TXNL4A: variants seen among roughly 807,000 people sequenced by gnomAD.
TXNL4A encodes the protein thioredoxin-like protein 4A.
A neutral mutation model predicts 14.6 loss-of-function variants in TXNL4A; 17 were observed. That is an observed-to-expected ratio of 1.16 (90% CI 0.80 to 1.74). The LOEUF (loss-of-function observed/expected upper bound fraction) is 1.74, where lower values mean the gene tolerates loss of function less well. Ranked by LOEUF, TXNL4A falls within the 40% of genes most tolerant of loss-of-function variation. TXNL4A has a pLI of 0.00. For synonymous variants in TXNL4A, 83 were observed against 70.6 expected (o/e 1.18, Z -0.88); for missense variants, 74 against 195.2 (o/e 0.38, Z 3.70).
chr18:80,004,519 C>G (rs947640440), intron 1 of TXNL4A, among the ~76,000 whole-genome samples: 1 of 152,156 alleles, frequency 6.6e-6, no homozygotes, highest in African/African-American at 2.4e-5. Context: ...TCCCAGCAAT[C>G]TGGGGGGGAT....
chr18:79,994,950 C>G (rs979850683), intron 1 of TXNL4A: 1 of 152,248 alleles, frequency 6.6e-6, no homozygotes, highest in Non-Finnish European at 1.5e-5. Flanking sequence ...CCTGCCGATT[C>G]TCTGGTATCG....
chr18:80,026,493 A>T lies in TXNL4A; in HGVS notation c.-61+7358T>A, dbSNP rs2051885386. ...TCCAAATATTCTACCCTGACAAAAAAAACTGAGGGAGATTAATATAATAAC... is the reference window on the plus strand; with the variant it reads ...TCCAAATATTCTACCCTGACAAAAATAACTGAGGGAGATTAATATAATAAC... On this transcript the variant is annotated intron_variant, in intron 1 of 2. Coordinates refer to the TXNL4A transcript ENST00000585474. Among the ~76,000 whole-genome samples, 3 of 152,200 alleles carry T rather than the reference A, an allele frequency of 2.0e-5. No homozygotes were observed. In the East Asian group the frequency reaches 5.8e-4, roughly 29 times the overall value.
intron 1 of TXNL4A, among the ~76,000 whole-genome samples, chr18:80,021,196 A>C (rs1417523559): frequency 6.8e-6 from 1 of 146,788 alleles, no homozygotes; most frequent in Non-Finnish European, 1.5e-5. Flanking sequence ...TTTTTTTTTG[A>C]GATGGAGTCT....
rs527480997 is a variant in TXNL4A at position 80,026,915 on chromosome 18, C to T, written c.-61+6936G>A. ...CTGACAATGTACCACAATTTAGTAC[C>T]AGTAATGTTAAAACATAATCTTGTG... On this transcript the variant is annotated intron_variant, in intron 1 of 2. Transcript: ENST00000585474. Among the ~76,000 whole-genome samples, 199 of 152,190 alleles carry T rather than the reference C, an allele frequency of 1.3e-3. 1 individual carries two copies. Among genetic ancestry groups the T allele is most frequent in the South Asian group, 3.1e-3 (15 of 4,812 alleles).
chr18:80,017,332 T>C (rs1261192826), intron 1 of TXNL4A, among the ~76,000 whole-genome samples: 1 of 152,162 alleles, frequency 6.6e-6, no homozygotes, highest in Admixed American at 6.5e-5. Context: ...ACTACCTCTT[T>C]TCCTAATTGA....
chr18:79,974,758 C>T (rs9946586), intron 2 of TXNL4A, among the ~76,000 whole-genome samples: 6,434 of 152,236 alleles, frequency 0.042, 449 homozygotes, highest in African/African-American at 0.15. Flanking sequence ...GGATTACAAA[C>T]GTGAGCCACT....
intron 1 of TXNL4A, among the ~76,000 whole-genome samples, chr18:80,022,831 C>G (rs555290990): frequency 1.3e-4 from 20 of 152,294 alleles, no homozygotes; most frequent in African/African-American, 3.8e-4. Context: ...CCCATGGATA[C>G]AAGTGTGACC....
rs1056763568 is a variant in TXNL4A, at chr18:79,976,610, T to C, written c.257+988A>G. The C allele has an allele frequency of 3.2e-5, 10 of 312,750 alleles. 1 individual carries two copies. The highest frequency in any genetic ancestry group is 1.4e-4 in the African/African-American group (6 of 44,330). The allele number at this position is 312,750 out of a possible 1,614,324, so 19.4% of individuals were successfully genotyped here. ...TGCCTGGATGTCTGACTTACAGAAC[T>C]GTGAGCTCAGAAAAGCGGGGTGATT... is the stretch of plus-strand genomic sequence containing the variant. On this transcript the variant is annotated intron_variant, in intron 2 of 2. Transcript: ENST00000269601.
At chr18:79,994,315 C>T (rs1408069157) in intron 1 of TXNL4A, among the ~76,000 whole-genome samples, 4 of 152,208 alleles carry the variant, frequency 2.6e-5, no homozygotes, top group Non-Finnish European at 5.9e-5. Flanking sequence ...GGGAGAGCTA[C>T]TTTCTTGGTA....
intron 1 of TXNL4A, among the ~76,000 whole-genome samples, chr18:80,022,709 C>T (rs954229967): frequency 5.9e-5 from 9 of 152,154 alleles, no homozygotes; most frequent in African/African-American, 2.2e-4. Flanking sequence ...TAGTCCCCTT[C>T]CTTGCTTTGG....
chr18:79,976,424 A>G (rs2051380255), intron 2 of TXNL4A, among the ~76,000 whole-genome samples: 1 of 152,148 alleles, frequency 6.6e-6, no homozygotes, highest in Admixed American at 6.5e-5. Context: ...CTGGCAGCAG[A>G]GTGGCCTCAG....
chr18:80,028,747 A>G (rs374691671), intron 1 of TXNL4A, among the ~76,000 whole-genome samples: 2 of 152,224 alleles, frequency 1.3e-5, no homozygotes, highest in African/African-American at 2.4e-5. Flanking sequence ...GCAAACATTT[A>G]CACTGACAGC....
chr18:79,991,778 C>T (rs577324545), upstream of TXNL4A, among the ~76,000 whole-genome samples: 23 of 152,290 alleles, frequency 1.5e-4, no homozygotes, highest in Middle Eastern at 3.4e-3. Flanking sequence ...TTATGTACCT[C>T]GTGAACCCCA....
chr18:80,006,241 G>A (rs529182728), intron 1 of TXNL4A, among the ~76,000 whole-genome samples: 66 of 151,890 alleles, frequency 4.3e-4, no homozygotes, highest in African/African-American at 1.4e-3. Flanking sequence ...AAAATTAGCC[G>A]GGTGTGGTGG....
chr18:79,996,599 G>T (rs1483766575), intron 1 of TXNL4A, among the ~76,000 whole-genome samples: 1 of 152,128 alleles, frequency 6.6e-6, no homozygotes, highest in African/African-American at 2.4e-5. Context: ...TTCATCGAAA[G>T]GTGAGCTTCT....
At position 80,028,206 on chromosome 18, in the gene TXNL4A, C is replaced by T. The variant is rs965639079; in HGVS notation, c.-61+5645G>A. Reference sequence around the variant, plus strand: ...GGCTATTTTAGCCAACACCTGGACCCGGTGGCTTGAGGGCTGCCTCCTTGT... The same window carrying T: ...GGCTATTTTAGCCAACACCTGGACCTGGTGGCTTGAGGGCTGCCTCCTTGT... On this transcript the variant is annotated intron_variant, in intron 1 of 2. Coordinates refer to the TXNL4A transcript ENST00000585474. Among the ~76,000 whole-genome samples, 3 of 148,754 alleles carry T rather than the reference C, an allele frequency of 2.0e-5. No homozygotes were observed. In the Admixed American group the frequency reaches 2.0e-4, roughly 10 times the overall value.
chr18:79,980,665 G>A (rs1430855916), intron 1 of TXNL4A, among the ~76,000 whole-genome samples: 2 of 152,170 alleles, frequency 1.3e-5, no homozygotes, highest in Non-Finnish European at 2.9e-5. Flanking sequence ...CTTCAGCTTT[G>A]GTGAAAAAAA....
chr18:80,027,723 C>T (rs2051894246), intron 1 of TXNL4A, among the ~76,000 whole-genome samples: 1 of 152,152 alleles, frequency 6.6e-6, no homozygotes, highest in Admixed American at 6.5e-5. Context: ...GGAAGATGGT[C>T]TATATTTACT....
intron 1 of TXNL4A, among the ~76,000 whole-genome samples, chr18:80,018,269 CAT>C (rs1351268871): frequency 4.6e-5 from 7 of 152,158 alleles, no homozygotes; most frequent in African/African-American, 1.4e-4. Context: ...CAGAAATACA[CAT>C]GTTCTTTGAA....
Sources: allele counts gnomAD v4.1 joint callset (sites outside exome capture counted in the v4.1 genomes callset), GRCh38; gene constraint gnomAD v4.1.1; transcripts MANE v1.5; gene names NCBI Gene and HGNC (gene_info 2026-07-23, HGNC 2026-07-21).